MYO5B: variants seen among roughly 807,000 people sequenced by gnomAD.
The protein encoded by MYO5B is unconventional myosin-Vb.
In MYO5B, 143 loss-of-function variants were observed where a neutral mutation model predicts 229.3. The observed-to-expected ratio is 0.62, with a 90% CI of 0.54 to 0.72. The LOEUF is 0.72. Among genes scored for constraint, MYO5B ranks in the 30% least tolerant of loss-of-function variants. The probability of loss-of-function intolerance (pLI) is 0.00; values close to 1 mark genes in which losing one functional copy is unlikely to be tolerated. For synonymous variants in MYO5B, 918 were observed against 885.2 expected (o/e 1.04, Z -0.66); for missense variants, 2,321 against 2,331.0 (o/e 1.00, Z 0.09).
chr18:50,118,747 C>G (rs1338598699), intron 1 of MYO5B, among the ~76,000 whole-genome samples: 1 of 151,862 alleles, frequency 6.6e-6, no homozygotes, highest in Non-Finnish European at 1.5e-5. Flanking sequence ...GCCTCAGCCT[C>G]CTGAGTAGCT....
intron 1 of MYO5B, among the ~76,000 whole-genome samples, chr18:50,137,863 CA>C (rs11308145): frequency 0.98 from 148,475 of 152,202 alleles, 72,500 homozygotes; most frequent in East Asian, 1. Flanking sequence ...TTATCCCTGG[CA>C]AAAAAAATGC....
intron 39 of MYO5B, among the ~76,000 whole-genome samples, chr18:49,834,762 C>T (rs925303644): frequency 1.3e-5 from 2 of 152,134 alleles, no homozygotes; most frequent in Admixed American, 6.5e-5. Context: ...CCTCAGCCTC[C>T]CGAGTAGCTG....
At chr18:50,186,424 G>A (rs2033150280) in intron 1 of MYO5B, among the ~76,000 whole-genome samples, 1 of 152,200 alleles carries the variant, frequency 6.6e-6, no homozygotes, top group Non-Finnish European at 1.5e-5. Context: ...GCTATAATAA[G>A]AGACCAGAAA....
At chr18:50,169,020 TA>T (rs1373274346) in intron 1 of MYO5B, among the ~76,000 whole-genome samples, 1 of 125,354 alleles carries the variant, frequency 8.0e-6, no homozygotes, top group African/African-American at 3.0e-5. Context: ...AAAAGCTATA[TA>T]GGGGGCTTGG....
chr18:49,975,337 G>C (rs1028097034), intron 9 of MYO5B, among the ~76,000 whole-genome samples: 1 of 152,092 alleles, frequency 6.6e-6, no homozygotes, highest in African/African-American at 2.4e-5. Context: ...CTTCTGGGTG[G>C]GTAGCTTAAG....
At chr18:49,963,415 A>AATTTATTTATTT (rs1159034209) in intron 10 of MYO5B, among the ~76,000 whole-genome samples, 3 of 148,024 alleles carry the variant, frequency 2.0e-5, no homozygotes, top group Admixed American at 6.7e-5. Context: ...TTAATTAATT[A>AATTTATTTATTT]ATTTATTTAT....
intron 1 of MYO5B, among the ~76,000 whole-genome samples, chr18:50,164,906 G>A (rs1446157264): frequency 6.6e-6 from 1 of 152,212 alleles, no homozygotes; most frequent in African/African-American, 2.4e-5. Context: ...TCTCAAGACT[G>A]GGAGTGTATT....
chr18:49,946,773 A>ATTT (rs2025378140), intron 14 of MYO5B, among the ~76,000 whole-genome samples: 1 of 152,180 alleles, frequency 6.6e-6, no homozygotes, highest in African/African-American at 2.4e-5. Flanking sequence ...TGGCAGTGGC[A>ATTT]GGATCTGGGA....
chr18:49,974,551 T>C lies in MYO5B; in HGVS notation c.1121A>G (p.His374Arg), dbSNP rs759477548. 2 of 1,614,114 alleles carry C rather than the reference T, an allele frequency of 1.2e-6. No homozygotes were observed. Among genetic ancestry groups the C allele is most frequent in the South Asian group, 2.2e-5 (2 of 91,080 alleles). Reference sequence around the variant, plus strand: ...GACCAGCTTGCGATGACACAGCCAGTGCTCCATCTGACTGTGCTCCACCCC... The same window carrying C: ...GACCAGCTTGCGATGACACAGCCAGCGCTCCATCTGACTGTGCTCCACCCC... ...LLGVEHSQMEHWLCHRKLVTT... is the reference protein window; with the variant it reads ...LLGVEHSQMERWLCHRKLVTT... The change falls in exon 10 of 40, where the codon CAC (histidine) becomes CGC (arginine). Residue 374 changes from histidine (H) to arginine (R), a missense_variant. Physicochemically the swap from His to Arg is conservative, Grantham distance 29. Around this residue, in one of 2 missense-constraint regions of MYO5B, gnomAD observed 2,113 missense variants for 2,044.7 expected, o/e 1.03. Coordinates refer to ENST00000285039, the MANE Select transcript of MYO5B (RefSeq NM_001080467.3).
chr18:50,168,768 G>A (rs1218421255), intron 1 of MYO5B, among the ~76,000 whole-genome samples: 2 of 127,736 alleles, frequency 1.6e-5, no homozygotes, highest in Non-Finnish European at 3.3e-5. Flanking sequence ...TTTTTTAAAA[G>A]ATGACATATA....
chr18:50,014,251 A>G (rs1377690417), intron 4 of MYO5B, among the ~76,000 whole-genome samples: 1 of 145,910 alleles, frequency 6.9e-6, no homozygotes, highest in African/African-American at 2.6e-5. Flanking sequence ...AAAAGTCCCA[A>G]AATTATGGAG....
chr18:50,075,716 C>T (rs1170732292), intron 1 of MYO5B, among the ~76,000 whole-genome samples: 1 of 152,154 alleles, frequency 6.6e-6, no homozygotes, highest in Non-Finnish European at 1.5e-5. Flanking sequence ...GAACACAGGG[C>T]AGGAAGCCCA....
At chr18:49,958,048 T>C (rs1169064664) in intron 12 of MYO5B, among the ~76,000 whole-genome samples, 1 of 152,110 alleles carries the variant, frequency 6.6e-6, no homozygotes, top group South Asian at 2.1e-4. Context: ...CTTTACAAAA[T>C]ACCCCTCTGC....
At chr18:49,892,204 G>C (rs1176036636) in intron 22 of MYO5B, among the ~76,000 whole-genome samples, 1 of 152,250 alleles carries the variant, frequency 6.6e-6, no homozygotes, top group African/African-American at 2.4e-5. Context: ...CAATGCACAG[G>C]CTAAAAGGGA....
At chr18:49,956,412 G>C (rs970706168) in intron 12 of MYO5B, among the ~76,000 whole-genome samples, 5 of 152,192 alleles carry the variant, frequency 3.3e-5, no homozygotes, top group Non-Finnish European at 5.9e-5. Flanking sequence ...AGTAATTGTG[G>C]CTTTTGCCAT....
chr18:50,055,085 A>T (rs1322055593), intron 2 of MYO5B, among the ~76,000 whole-genome samples, 183 bp downstream of exon 2: 7 of 152,162 alleles, frequency 4.6e-5, no homozygotes, highest in Non-Finnish European at 8.8e-5. Context: ...ACATCCATAG[A>T]GCAGCTTCCT....
rs77372805 is a variant in MYO5B at position 49,980,641 on chromosome 18, T to A, written c.947-88A>T. Reference sequence around the variant, plus strand: ...CCCCTTTTAAGGACATTTTTTTTTTTAATAAGGTTTGATTTTTCTTTCTGA... The same window carrying A: ...CCCCTTTTAAGGACATTTTTTTTTTAAATAAGGTTTGATTTTTCTTTCTGA... On this transcript the variant is annotated intron_variant, in intron 8 of 39. Coordinates refer to ENST00000285039, the MANE Select transcript of MYO5B (RefSeq NM_001080467.3). The A allele has an allele frequency of 5.4e-4, 516 of 952,094 alleles. 5 individuals carry two copies. The South Asian group carries it at 6.8e-3, about 13-fold the overall frequency. The allele number at this position is 952,094 out of a possible 1,614,324, so 59.0% of individuals were successfully genotyped here. A position where few individuals can be genotyped will look rare whatever the true frequency, so the allele number is the denominator to read the frequency against.
At chr18:49,842,412 A>G (rs769529384) in intron 34 of MYO5B, among the ~76,000 whole-genome samples, 2 of 152,264 alleles carry the variant, frequency 1.3e-5, no homozygotes, top group Admixed American at 6.5e-5. Flanking sequence ...TCTGAGCAGC[A>G]ACCAGCAGCT....
At chr18:49,929,940 G>A (rs1220485487) in intron 16 of MYO5B, among the ~76,000 whole-genome samples, 1 of 151,988 alleles carries the variant, frequency 6.6e-6, no homozygotes, top group East Asian at 1.9e-4. Flanking sequence ...TACTCTTACT[G>A]TTTTTATCCA....
Sources: allele counts gnomAD v4.1 joint callset (sites outside exome capture counted in the v4.1 genomes callset), GRCh38; gene constraint gnomAD v4.1.1; regional missense constraint gnomAD v4.1.1; transcripts MANE v1.5; gene names NCBI Gene and HGNC (gene_info 2026-07-23, HGNC 2026-07-21).